RNASET2: variants seen among roughly 807,000 people sequenced by gnomAD.
RNASET2 encodes ribonuclease T2.
RNASET2 carries 28 observed loss-of-function variants against 33.9 expected under a neutral mutation model. The observed-to-expected ratio is 0.83, with a 90% CI of 0.61 to 1.13. The LOEUF (loss-of-function observed/expected upper bound fraction) is 1.13. Among genes scored for constraint, RNASET2 ranks in the 50% most tolerant of loss-of-function variants. The probability of loss-of-function intolerance (pLI) is 0.00; values close to 1 mark genes in which losing one functional copy is unlikely to be tolerated. For missense variants in RNASET2, 330 were observed against 319.9 expected (o/e 1.03, Z -0.24); for synonymous variants, 123 against 121.0 (o/e 1.02, Z -0.11).
rs1417803762 is a variant in RNASET2, at chr6:166,955,323, ACACG to A, written c.86+770_86+773del. ...GCGCACACACGACACACACGCACAC[ACACG>A]CACGCACGCACACGCACACGCACGC... On this transcript the variant is annotated intron_variant, in intron 1 of 8. Coordinates refer to ENST00000508775, the MANE Select transcript of RNASET2 (RefSeq NM_003730.6). Among the ~76,000 whole-genome samples, 80 of 70,216 alleles carry A rather than the reference ACACG, an allele frequency of 1.1e-3. 1 individual carries two copies. The highest frequency in any genetic ancestry group is 3.7e-3 in the South Asian group (5 of 1,356). 46.1% of individuals were successfully genotyped at this position (70,216 alleles called of 152,430 possible).
rs187963561 is a variant in RNASET2 at position 166,924,731 on chromosome 6, T to C, written c.*4857A>G. ...ACTTTGGGAGGCTGAGGCAGGTGGA[T>C]CACCCGAGGTCGGGAGTTTGAGACC... On this transcript the variant is annotated 3_prime_UTR_variant, in exon 9 of 9. Transcript: ENST00000508775. 4.8e-3 allele frequency among the ~76,000 whole-genome samples: 730 copies of C among 152,220 alleles called. 9 individuals carry two copies. The highest frequency in any genetic ancestry group is 0.017 in the African/African-American group (702 of 41,530).
In RNASET2 at chr6:166,929,272, C is replaced by T. The variant is rs1046001549; in HGVS notation, c.*316G>A. The stretch of plus-strand genomic sequence containing the variant: ...GGGAAAACTCGAGCAAGAGAGTCCC[C>T]TGAATCGGTGCCATCTGTCTAAATT... On this transcript the variant is annotated 3_prime_UTR_variant, in exon 9 of 9. Coordinates refer to ENST00000508775, the MANE Select transcript of RNASET2 (RefSeq NM_003730.6). 2.6e-5 allele frequency among the ~76,000 whole-genome samples: 4 copies of T among 152,182 alleles called. No individual in the cohort carries two copies. Among genetic ancestry groups the T allele is most frequent in the Non-Finnish European group, 4.4e-5 (3 of 68,032 alleles).
In RNASET2 at chr6:166,924,790, T is replaced by C. The variant is rs1395084290; in HGVS notation, c.*4798A>G. ...CAACATGGAGAAAACCCATCTCTAC[T>C]AAAAATACAAAATTAGCCGGGCATG... On this transcript the variant is annotated 3_prime_UTR_variant, in exon 9 of 9. Coordinates refer to ENST00000508775, the MANE Select transcript of RNASET2 (RefSeq NM_003730.6). Among the ~76,000 whole-genome samples, 1 of 152,032 alleles carries C rather than the reference T, an allele frequency of 6.6e-6. No individual in the cohort carries two copies. Among genetic ancestry groups the C allele is most frequent in the Non-Finnish European group, 1.5e-5 (1 of 68,010 alleles).
chr6:166,942,235 T>G (rs184378199), intron 5 of RNASET2, among the ~76,000 whole-genome samples: 1 of 152,030 alleles, frequency 6.6e-6, no homozygotes, highest in Non-Finnish European at 1.5e-5. Context: ...GTATTTTTAG[T>G]AGAGATGGGG....
At chr6:166,936,958 C>G (rs1395187692) in intron 6 of RNASET2, among the ~76,000 whole-genome samples, 1 of 152,194 alleles carries the variant, frequency 6.6e-6, no homozygotes, top group East Asian at 1.9e-4. Flanking sequence ...CTGGAAAACA[C>G]CAGCACTCTG....
rs894691045 is a variant in RNASET2 at position 166,929,037 on chromosome 6, G to A, written c.*551C>T. ...CTAGGGCAGGAGGGGCAAAGTCACC[G>A]TTCTAGGACACACCTGTGACCACAC... On this transcript the variant is annotated 3_prime_UTR_variant, in exon 9 of 9. Coordinates refer to ENST00000508775, the MANE Select transcript of RNASET2 (RefSeq NM_003730.6). Among the ~76,000 whole-genome samples the A allele has an allele frequency of 1.2e-4, 18 of 152,214 alleles. No homozygotes were observed. Among genetic ancestry groups the A allele is most frequent in the African/African-American group, 4.1e-4 (17 of 41,448 alleles).
intron 3 of RNASET2, among the ~76,000 whole-genome samples, chr6:166,947,817 T>C (rs535193616): frequency 2.4e-4 from 36 of 152,270 alleles, no homozygotes; most frequent in African/African-American, 6.5e-4. Context: ...GATGGGGCGA[T>C]TAATGTGCAC....
intron 4 of RNASET2, 25 bp downstream of exon 4, chr6:166,946,657 T>C (rs772971418): frequency 1.6e-5 from 21 of 1,276,260 alleles, no homozygotes; most frequent in Non-Finnish European, 2.1e-5. Flanking sequence ...CACTCTGCAG[T>C]AGAAATATAA....
At chr6:166,934,298 A>G in intron 6 of RNASET2, 162 bp from the exon 7 acceptor site, 1 of 647,914 alleles carries the variant, frequency 1.5e-6, no homozygotes, top group South Asian at 1.7e-5. Context: ...CTGCAAATAC[A>G]TGGTTCCCAG....
intron 2 of RNASET2, among the ~76,000 whole-genome samples, chr6:166,952,172 G>T (rs531056735): frequency 1.3e-5 from 2 of 152,330 alleles, no homozygotes; most frequent in East Asian, 3.9e-4. Context: ...CAGAGAAACA[G>T]AACAAACTCT....
At chr6:166,954,308 A>G (rs999249018) in intron 1 of RNASET2, among the ~76,000 whole-genome samples, 6 of 152,236 alleles carry the variant, frequency 3.9e-5, no homozygotes, top group South Asian at 2.1e-4. Context: ...TTGTCCGATC[A>G]TATCAGTTGC....
chr6:166,951,476 C>T (rs543153823), intron 2 of RNASET2, among the ~76,000 whole-genome samples: 25 of 152,204 alleles, frequency 1.6e-4, no homozygotes, highest in Non-Finnish European at 2.6e-4. Context: ...TAGGCACTGA[C>T]GCTACCACTA....
At chr6:166,944,134 G>A (rs2757057) in intron 4 of RNASET2, 6,809 of 154,896 alleles carry the variant, frequency 0.044, 442 homozygotes, top group African/African-American at 0.14. Flanking sequence ...AAAACAAAAC[G>A]AAACCATCAG....
chr6:166,930,923 A>G, intron 8 of RNASET2, 121 bp downstream of exon 8: 1 of 790,334 alleles, frequency 1.3e-6, no homozygotes. Flanking sequence ...GCCCACATAT[A>G]CAGACACAAA....
chr6:166,947,320 T>C (rs1778872651), intron 3 of RNASET2, among the ~76,000 whole-genome samples: 1 of 152,168 alleles, frequency 6.6e-6, no homozygotes, highest in African/African-American at 2.4e-5. Flanking sequence ...TCCTCACACA[T>C]CTAATTCTGG....
At chr6:166,938,670 C>A in intron 6 of RNASET2, 1 of 754,830 alleles carries the variant, frequency 1.3e-6, no homozygotes, top group Non-Finnish European at 2.5e-6. Flanking sequence ...ATGGGCATCC[C>A]AATACTCTGC....
intron 7 of RNASET2, chr6:166,932,422 C>CAACT (rs1474445925): frequency 6.5e-6 from 1 of 152,738 alleles, no homozygotes; most frequent in Non-Finnish European, 1.5e-5. Context: ...CCTCAAGAAG[C>CAACT]AACTGGTCCC....
rs1471946893 is a variant in RNASET2, at chr6:166,927,428, G to A, written c.*2160C>T. Among the ~76,000 whole-genome samples the A allele has an allele frequency of 2.6e-5, 4 of 151,990 alleles. No homozygotes were observed. Among genetic ancestry groups the A allele is most frequent in the East Asian group, 1.9e-4 (1 of 5,184 alleles). The stretch of plus-strand genomic sequence containing the variant: ...GACAATGGCAGGAAACCAGCACTCC[G>A]CAGCCCATGCCTCCCACCAGGATGC... On this transcript the variant is annotated 3_prime_UTR_variant, in exon 9 of 9. Coordinates refer to ENST00000508775, the MANE Select transcript of RNASET2 (RefSeq NM_003730.6).
intron 4 of RNASET2, chr6:166,943,325 G>A: frequency 2.4e-6 from 1 of 422,270 alleles, no homozygotes; most frequent in Non-Finnish European, 4.4e-6. Context: ...ATAGGTGAAG[G>A]GATAAAGTGT....
Sources: gnomAD v4.1 joint callset for allele counts (sites outside exome capture counted in the v4.1 genomes callset) on GRCh38, gnomAD v4.1.1 for gene constraint, MANE v1.5 for transcripts, NCBI Gene and HGNC (gene_info 2026-07-23, HGNC 2026-07-21) for gene names.